The following FDX1 variants were observed in gnomAD, a reference collection of about 807,000 sequenced individuals.
FDX1 encodes adrenodoxin, mitochondrial.
In FDX1, 9 loss-of-function variants were observed where a neutral mutation model predicts 14.9. That is an observed-to-expected ratio of 0.60 (90% CI 0.36 to 1.05). The LOEUF (loss-of-function observed/expected upper bound fraction) is 1.05, where lower values mean the gene tolerates loss of function less well. Ranked by LOEUF, FDX1 falls within the 50% of genes least tolerant of loss-of-function variation. The pLI is 0.01. For missense variants in FDX1, 204 were observed against 237.2 expected, an observed-to-expected ratio of 0.86 and a Z score of 0.92; for synonymous variants, 92 against 99.4, an observed-to-expected ratio of 0.93 and a Z score of 0.44.
chr11:110,433,137 C>T (rs999778397), intron 1 of FDX1, among the ~76,000 whole-genome samples: 1 of 152,220 alleles, frequency 6.6e-6, no homozygotes, highest in Non-Finnish European at 1.5e-5. Context: ...AGAACAGCAA[C>T]GCTGAAACCT....
At chr11:110,439,981 T>A (rs1946395028) in intron 2 of FDX1, among the ~76,000 whole-genome samples, 1 of 152,182 alleles carries the variant, frequency 6.6e-6, no homozygotes. Context: ...AGATCAGATT[T>A]TCTAGATGTA....
chr11:110,439,050 C>T (rs941580886), intron 2 of FDX1, among the ~76,000 whole-genome samples: 4 of 151,942 alleles, frequency 2.6e-5, no homozygotes, highest in African/African-American at 9.7e-5. Flanking sequence ...GGATTACAGG[C>T]ACTCACTACC....
intron 3 of FDX1, among the ~76,000 whole-genome samples, chr11:110,459,551 T>G (rs1238026645): frequency 6.6e-6 from 1 of 152,208 alleles, no homozygotes; most frequent in East Asian, 1.9e-4. Context: ...CCCCAAAGCC[T>G]TTAGTCTTTT....
chr11:110,440,390 C>T (rs953943756), intron 2 of FDX1, among the ~76,000 whole-genome samples: 4 of 152,112 alleles, frequency 2.6e-5, no homozygotes, highest in East Asian at 1.9e-4. Flanking sequence ...TCAATATAGG[C>T]GGTCAGTGCT....
chr11:110,437,793 T>C (rs1946380382), intron 2 of FDX1, among the ~76,000 whole-genome samples: 1 of 152,178 alleles, frequency 6.6e-6, no homozygotes, highest in Non-Finnish European at 1.5e-5. Context: ...CTTGCCCCTC[T>C]CCCTTCCCCC....
At chr11:110,448,028 A>G (rs111237289) in intron 2 of FDX1, among the ~76,000 whole-genome samples, 133 of 152,344 alleles carry the variant, frequency 8.7e-4, no homozygotes, top group Middle Eastern at 3.4e-3. Flanking sequence ...ACTTATAAAC[A>G]TTCTCATTGC....
intron 1 of FDX1, among the ~76,000 whole-genome samples, chr11:110,431,739 G>T (rs1276097174): frequency 1.3e-5 from 2 of 152,166 alleles, no homozygotes; most frequent in African/African-American, 4.8e-5. Context: ...ATCTTTCTCA[G>T]ATTTGTTTTT....
chr11:110,432,623 C>T (rs981847290), intron 1 of FDX1, among the ~76,000 whole-genome samples: 1 of 152,076 alleles, frequency 6.6e-6, no homozygotes, highest in African/African-American at 2.4e-5. Context: ...CGCGTGCCAC[C>T]ACACTCGGCT....
intron 2 of FDX1, among the ~76,000 whole-genome samples, chr11:110,453,636 C>T (rs768690334): frequency 4.6e-5 from 7 of 151,292 alleles, no homozygotes; most frequent in Admixed American, 3.3e-4. Flanking sequence ...TTTTAATAAA[C>T]CGTATAGGTT....
rs1215034393 is a variant in FDX1, at chr11:110,430,182, C to G, written c.62C>G (p.Ala21Gly). 16 of 1,231,754 alleles carry G rather than the reference C, an allele frequency of 1.3e-5. No individual in the cohort carries two copies. Among genetic ancestry groups the G allele is most frequent in the Middle Eastern group, 3.1e-4 (1 of 3,184 alleles). The allele number at this position is 1,231,754 out of a possible 1,614,324, so 76.3% of individuals were successfully genotyped here. The change falls in exon 1 of 4, where the codon GCC (alanine) becomes GGC (glycine). Residue 21 changes from alanine (A) to glycine (G), a missense_variant. Ala to Gly is a moderately conservative substitution (Grantham distance 60). Transcript: ENST00000260270. ...GCTTCTGCTGTCCTCGGCGGCCCGG[C>G]CGGCCGGTGGCTGCACCACGCTGGG... ...RAASAVLGGP[A>G]GRWLHHAGSR...
chr11:110,460,953 G>A (rs1946552658), intron 3 of FDX1, among the ~76,000 whole-genome samples: 1 of 152,208 alleles, frequency 6.6e-6, no homozygotes, highest in Admixed American at 6.5e-5. Context: ...GACATTTAGT[G>A]TTGTGCCTTT....
chr11:110,439,333 G>A (rs1012344544), intron 2 of FDX1, among the ~76,000 whole-genome samples: 8 of 151,762 alleles, frequency 5.3e-5, no homozygotes, highest in African/African-American at 1.5e-4. Flanking sequence ...TCAGCTTCCC[G>A]AGTACCTGGG....
At chr11:110,436,333 T>TTCTAGG (rs900359506) in intron 2 of FDX1, among the ~76,000 whole-genome samples, 2 of 152,174 alleles carry the variant, frequency 1.3e-5, no homozygotes, top group Admixed American at 1.3e-4. Context: ...AAAGGTAACT[T>TTCTAGG]ATCCTAGAAA....
At chr11:110,430,775 C>A (rs1946325581) in intron 1 of FDX1, among the ~76,000 whole-genome samples, 1 of 152,182 alleles carries the variant, frequency 6.6e-6, no homozygotes, top group African/African-American at 2.4e-5. Context: ...AGAGGACACC[C>A]AGGTCCCAGG....
chr11:110,444,724 G>GTA (rs1332438783), intron 2 of FDX1, among the ~76,000 whole-genome samples: 1,531 of 27,356 alleles, frequency 0.056, 79 homozygotes, highest in African/African-American at 0.093. Context: ...ATATATATAC[G>GTA]TATATATATA....
At chr11:110,436,367 T>C (rs1291077780) in intron 2 of FDX1, among the ~76,000 whole-genome samples, 1 of 152,234 alleles carries the variant, frequency 6.6e-6, no homozygotes, top group Non-Finnish European at 1.5e-5. Flanking sequence ...AAAGTTTTCA[T>C]TTTTAGACTT....
chr11:110,446,404 ATCC>A (rs1332426589), intron 2 of FDX1, among the ~76,000 whole-genome samples: 1 of 152,082 alleles, frequency 6.6e-6, no homozygotes, highest in African/African-American at 2.4e-5. Context: ...GGGTGATCTC[ATCC>A]GTTCTGTGAC....
chr11:110,430,298 C>T lies in FDX1; in HGVS notation c.178C>T (p.Arg60Trp). Residue 60 changes from arginine (R) to tryptophan (W), a missense_variant, in exon 1 of 4, where the codon CGG becomes TGG. By Grantham distance (101) the Arg-to-Trp change is moderately radical. Transcript: ENST00000260270. ...SRSLSVSARA[R>W]SSSEDKITVH... ...GTCGCTGAGCGTGTCGGCGCGGGCCCGGAGCAGGTAGGGCGCCGTGCGGGC... is the reference window on the plus strand; with the variant it reads ...GTCGCTGAGCGTGTCGGCGCGGGCCTGGAGCAGGTAGGGCGCCGTGCGGGC... 1 of 1,196,948 alleles carries T rather than the reference C, an allele frequency of 8.4e-7. No individual in the cohort carries two copies. 74.1% of individuals were successfully genotyped at this position (1,196,948 alleles called of 1,614,324 possible).
rs1049128470 is a variant in FDX1 at position 110,430,246 on chromosome 11, G to A, written c.126G>A (p.Gly42=). Residue 42 remains glycine, a synonymous_variant, in exon 1 of 4, where the codon GGG becomes GGA. Transcript: ENST00000260270. The part of the protein sequence containing the change: ...AGSSGLLRNR[G]PGGSAEASRS... ...CCAGCGGCCTGCTGAGGAACCGGGG[G>A]CCGGGCGGGAGCGCGGAGGCGAGCC... 78 of 1,206,012 alleles carry A rather than the reference G, an allele frequency of 6.5e-5. No homozygotes were observed. In the Middle Eastern group the frequency reaches 9.8e-4, roughly 15 times the overall value. The allele number at this position is 1,206,012 out of a possible 1,614,324, so 74.7% of individuals were successfully genotyped here. A position where few individuals can be genotyped will look rare whatever the true frequency, so the allele number is the denominator to read the frequency against.
Sources: gnomAD v4.1 joint callset for allele counts (sites outside exome capture counted in the v4.1 genomes callset) on GRCh38, gnomAD v4.1.1 for gene constraint, MANE v1.5 for transcripts, NCBI Gene and HGNC (gene_info 2026-07-23, HGNC 2026-07-21) for gene names.